KIF17: variants seen among roughly 807,000 people sequenced by gnomAD.
KIF17 encodes the protein kinesin family member 17, also known as kinesin-like protein KIF17.
A neutral mutation model predicts 96.8 loss-of-function variants in KIF17; 80 were observed. That is an observed-to-expected ratio of 0.83 (90% CI 0.69 to 1.00). KIF17 has a LOEUF of 1.00. Among genes scored for constraint, KIF17 ranks in the 50% least tolerant of loss-of-function variants. The pLI, the probability that KIF17 is intolerant of heterozygous loss-of-function variation, is 0.00. For missense variants in KIF17, 1,280 were observed against 1,372.9 expected, an observed-to-expected ratio of 0.93 and a Z score of 1.07; for synonymous variants, 567 against 587.5, an observed-to-expected ratio of 0.97 and a Z score of 0.51.
intron 10 of KIF17, among the ~76,000 whole-genome samples, 179 bp from the exon 11 acceptor site, chr1:20,683,063 TC>T (rs1471329673): frequency 6.6e-6 from 1 of 152,154 alleles, no homozygotes; most frequent in East Asian, 1.9e-4. Context: ...CAACCAGGAT[TC>T]CTGCCCAACT....
At chr1:20,711,609 G>A (rs1023842721) in intron 3 of KIF17, among the ~76,000 whole-genome samples, 8 of 152,332 alleles carry the variant, frequency 5.3e-5, no homozygotes, top group African/African-American at 1.9e-4. Context: ...AGAACCCGCT[G>A]GAGAGGCCCC....
Position 20,690,352 on chromosome 1 carries a change from G to GGGCGGC in KIF17, c.1234-18_1234-17insGCCGCC. The GGGCGGC allele has an allele frequency of 2.2e-6, 1 of 451,174 alleles. No homozygotes were observed. Among genetic ancestry groups the GGGCGGC allele is most frequent in the Non-Finnish European group, 4.3e-6 (1 of 235,152 alleles). 27.9% of individuals were successfully genotyped at this position (451,174 alleles called of 1,614,324 possible). On this transcript the variant is annotated splice_polypyrimidine_tract_variant and intron_variant, in intron 6 of 14. Transcript: ENST00000400463. Reference sequence around the variant, plus strand: ...TTCATACTCCTGGGGGGGTGGGAGGGACCAGAGGGCAGGCAGCATTTTATC... The same window carrying GGGCGGC: ...TTCATACTCCTGGGGGGGTGGGAGGGGGCGGCACCAGAGGGCAGGCAGCATTTTATC...
intron 6 of KIF17, among the ~76,000 whole-genome samples, chr1:20,691,031 T>C (rs969772611): frequency 2.7e-5 from 4 of 150,502 alleles, no homozygotes; most frequent in Non-Finnish European, 5.9e-5. Flanking sequence ...CCGGGCGTGG[T>C]GGCTCATGCC....
At chr1:20,693,414 A>C (rs1008994512) in intron 6 of KIF17, among the ~76,000 whole-genome samples, 4 of 150,956 alleles carry the variant, frequency 2.6e-5, no homozygotes, top group African/African-American at 9.7e-5. Context: ...ACAGGCACCC[A>C]CCACCACACT....
At chr1:20,713,842 G>C (rs1000317688) in intron 2 of KIF17, among the ~76,000 whole-genome samples, 1 of 151,952 alleles carries the variant, frequency 6.6e-6, no homozygotes, top group Non-Finnish European at 1.5e-5. Context: ...AGGCCTCCTC[G>C]TTATTCAGGT....
chr1:20,680,491 T>G (rs951328814), intron 11 of KIF17, among the ~76,000 whole-genome samples: 1 of 150,974 alleles, frequency 6.6e-6, no homozygotes, highest in Non-Finnish European at 1.5e-5. Flanking sequence ...GCGGGAGGAT[T>G]GTTTGAGCCC....
At chr1:20,712,456 G>T (rs1024880107) in intron 3 of KIF17, among the ~76,000 whole-genome samples, 1 of 144,808 alleles carries the variant, frequency 6.9e-6, no homozygotes, top group African/African-American at 2.5e-5. Context: ...CCCAGCTACC[G>T]GGGGCGCTGA....
chr1:20,715,960 C>T (rs1025875832), intron 1 of KIF17, among the ~76,000 whole-genome samples: 6 of 152,166 alleles, frequency 3.9e-5, no homozygotes, highest in African/African-American at 1.4e-4. Context: ...AAGAAAAACA[C>T]CTTGGGCCAG....
Position 20,687,997 on chromosome 1 carries a change from C to T in KIF17, c.1382-53G>A. 6.7e-7 allele frequency: 1 copy of T among 1,502,358 alleles called. No homozygotes were observed. Among genetic ancestry groups the T allele is most frequent in the Non-Finnish European group, 9.3e-7 (1 of 1,080,038 alleles). The allele number at this position is 1,502,358 out of a possible 1,614,324, so 93.1% of individuals were successfully genotyped here. ...TTTTAAAGGGTCAGAATGAGAGACC[C>T]TTCCCTAGAAGGTGGCTCCAAGCCC... On this transcript the variant is annotated intron_variant, in intron 7 of 14. Coordinates refer to ENST00000400463, the MANE Select transcript of KIF17 (RefSeq NM_001122819.3). The surrounding 1 kb of genome is among the most constrained non-coding windows in gnomAD (Gnocchi z 4.4).
At chr1:20,710,681 A>AG (rs993246275) in intron 3 of KIF17, among the ~76,000 whole-genome samples, 2 of 152,154 alleles carry the variant, frequency 1.3e-5, no homozygotes, top group South Asian at 2.1e-4. Flanking sequence ...CAGCAGCTCT[A>AG]GGGGGGTCCC....
intron 8 of KIF17, 74 bp from the exon 9 acceptor site, chr1:20,686,200 G>C (rs983718929): frequency 3.8e-6 from 5 of 1,326,584 alleles, no homozygotes; most frequent in Non-Finnish European, 5.3e-6. Context: ...CCTCACCCCT[G>C]GCCTCACTTC....
intron 13 of KIF17, among the ~76,000 whole-genome samples, chr1:20,669,404 G>A (rs2053595847): frequency 6.6e-6 from 1 of 151,718 alleles, no homozygotes; most frequent in Admixed American, 6.6e-5. Context: ...GGGCTTGGTG[G>A]CGGGTGCCTG....
At chr1:20,707,459 C>T (rs1368255993) in intron 4 of KIF17, among the ~76,000 whole-genome samples, 2 of 99,492 alleles carry the variant, frequency 2.0e-5, no homozygotes, top group Non-Finnish European at 2.2e-5. Flanking sequence ...ATGTTTAAAA[C>T]ATTCACAGGA....
intron 11 of KIF17, among the ~76,000 whole-genome samples, chr1:20,677,725 G>A (rs1463621138): frequency 6.6e-6 from 1 of 152,168 alleles, no homozygotes. Context: ...CATGGGTGGT[G>A]CACGCCTGTA....
chr1:20,714,275 T>C (rs1412328583), intron 2 of KIF17, among the ~76,000 whole-genome samples: 6 of 149,662 alleles, frequency 4.0e-5, no homozygotes, highest in African/African-American at 7.4e-5. Flanking sequence ...TGCAGTGAGC[T>C]GAGATCACGC....
At chr1:20,702,060 C>T (rs1302395585) in intron 5 of KIF17, among the ~76,000 whole-genome samples, 9 of 152,188 alleles carry the variant, frequency 5.9e-5, no homozygotes, top group Non-Finnish European at 1.5e-5. Context: ...CATGCATTGT[C>T]TCTGGAGCCC....
Position 20,700,262 on chromosome 1 carries a change from G to C in KIF17, c.1124-1774C>G, listed in dbSNP as rs1456240092. ...ATATTTTCTATTTTAGTAGAGATGG[G>C]GTTTCACTATGTTGGCCAGGCTGGT... On this transcript the variant is annotated intron_variant, in intron 5 of 14. Coordinates refer to ENST00000400463, the MANE Select transcript of KIF17 (RefSeq NM_001122819.3). This position sits in a 1 kb window ranked among gnomAD's most constrained non-coding sequence, Gnocchi z 4.6. 6.6e-6 allele frequency among the ~76,000 whole-genome samples: 1 copy of C among 152,136 alleles called. No individual in the cohort carries two copies. The highest frequency in any genetic ancestry group is 1.5e-5 in the Non-Finnish European group (1 of 68,036).
rs1451531004 is a variant in KIF17, at chr1:20,700,994, C to T, written c.1124-2506G>A. On this transcript the variant is annotated intron_variant, in intron 5 of 14. Transcript: ENST00000400463. This position sits in a 1 kb window ranked among gnomAD's most constrained non-coding sequence, Gnocchi z 4.6. ...GCCCAGTAAAGGCTGTGGCCCGGGC[C>T]CCCACTCCCTTCTCCCTCCAGACCG... 1.3e-5 allele frequency among the ~76,000 whole-genome samples: 2 copies of T among 152,150 alleles called. No individual in the cohort carries two copies. The highest frequency in any genetic ancestry group is 4.8e-5 in the African/African-American group (2 of 41,436).
intron 11 of KIF17, among the ~76,000 whole-genome samples, chr1:20,682,108 A>C (rs990907749): frequency 6.6e-6 from 1 of 151,704 alleles, no homozygotes; most frequent in Non-Finnish European, 1.5e-5. Context: ...ACGCACACCC[A>C]CACACACACA....
Sources: gnomAD v4.1 joint callset for allele counts (sites outside exome capture counted in the v4.1 genomes callset) on GRCh38, gnomAD v4.1.1 for gene constraint, Gnocchi (gnomAD v3.1) non-coding constraint, MANE v1.5 for transcripts, NCBI Gene and HGNC (gene_info 2026-07-23, HGNC 2026-07-21) for gene names.